Variants in ZNF486 observed in about 807,000 individuals in gnomAD.
ZNF486 encodes the protein zinc finger protein 486.
In ZNF486, 12 loss-of-function variants were observed where a neutral mutation model predicts 12.8. The ratio of observed to expected loss-of-function variants is 0.94; its 90% CI spans 0.60 to 1.52. ZNF486 has a LOEUF of 1.52. Ranked by LOEUF, ZNF486 falls within the 40% of genes most tolerant of loss-of-function variation. ZNF486 has a pLI of 0.00. For synonymous variants in ZNF486, 231 were observed against 184.9 expected (o/e 1.25, Z -2.02); for missense variants, 738 against 545.0 (o/e 1.35, Z -3.53).
chr19:20,170,329 G>T (rs1204216291), intron 1 of ZNF486, among the ~76,000 whole-genome samples: 2 of 152,060 alleles, frequency 1.3e-5, no homozygotes, highest in Non-Finnish European at 2.9e-5. Flanking sequence ...TGTAATCCTA[G>T]CACCTTGGGA....
At position 20,198,318 on chromosome 19, in the gene ZNF486, G is replaced by C; in HGVS notation, c.*216G>C. 1 of 504,282 alleles carries C rather than the reference G, an allele frequency of 2.0e-6. No individual in the cohort carries two copies. Among genetic ancestry groups the C allele is most frequent in the African/African-American group, 1.9e-5 (1 of 51,974 alleles). 31.2% of individuals were successfully genotyped at this position (504,282 alleles called of 1,614,324 possible). A position where few individuals can be genotyped will look rare whatever the true frequency, so the allele number is the denominator to read the frequency against. ...GGGTTTCTCCATGTTGGTCAGGCTG[G>C]TCTCAATCTCCTAACCTCAGGTGGT... On this transcript the variant is annotated 3_prime_UTR_variant, in exon 4 of 4. Coordinates refer to ENST00000335117, the MANE Select transcript of ZNF486 (RefSeq NM_052852.4).
chr19:20,193,584 C>T (rs2089923881), intron 3 of ZNF486, among the ~76,000 whole-genome samples: 1 of 152,030 alleles, frequency 6.6e-6, no homozygotes, highest in African/African-American at 2.4e-5. Context: ...TTGCTTGAAC[C>T]TAGAAGGCGG....
At chr19:20,177,288 A>G (rs7252246) in intron 1 of ZNF486, among the ~76,000 whole-genome samples, 7,145 of 152,306 alleles carry the variant, frequency 0.047, 592 homozygotes, top group African/African-American at 0.16. Context: ...ACACTATTCA[A>G]CCATTTTTGT....
intron 1 of ZNF486, among the ~76,000 whole-genome samples, chr19:20,177,896 T>C (rs1398381630): frequency 6.6e-6 from 1 of 151,046 alleles, no homozygotes; most frequent in Non-Finnish European, 1.5e-5. Flanking sequence ...CTTTCTGTTC[T>C]ATTATTGTGG....
chr19:20,180,402 C>A (rs551418065), intron 1 of ZNF486, among the ~76,000 whole-genome samples: 1 of 152,182 alleles, frequency 6.6e-6, no homozygotes, highest in African/African-American at 2.4e-5. Flanking sequence ...TTCCTACAGT[C>A]CAGAAACTTT....
Position 20,176,588 on chromosome 19 carries a change from C to T in ZNF486, c.31-7768C>T, listed in dbSNP as rs547173832. 1.4e-3 allele frequency: 239 copies of T among 170,426 alleles called. 1 individual carries two copies. Among genetic ancestry groups the T allele is most frequent in the African/African-American group, 5.2e-3 (217 of 41,744 alleles). 10.6% of individuals were successfully genotyped at this position (170,426 alleles called of 1,614,324 possible). A position where few individuals can be genotyped will look rare whatever the true frequency, so the allele number is the denominator to read the frequency against. On this transcript the variant is annotated intron_variant, in intron 1 of 3. Transcript: ENST00000335117. ...CTGCAATCCCGGCACCTCAGGAGGC[C>T]GAGGCTGGCGGATCACTCGCGGTTA...
chr19:20,177,826 T>C (rs558754235), intron 1 of ZNF486, among the ~76,000 whole-genome samples: 1 of 152,240 alleles, frequency 6.6e-6, no homozygotes, highest in Non-Finnish European at 1.5e-5. Context: ...TCCACCCGCC[T>C]CGGCCTCCCA....
chr19:20,191,511 T>A (rs2089902530), intron 3 of ZNF486, among the ~76,000 whole-genome samples: 1 of 150,336 alleles, frequency 6.7e-6, no homozygotes, highest in African/African-American at 2.5e-5. Context: ...GGCTCACACC[T>A]GTAATCCCAG....
At chr19:20,185,847 T>C in intron 2 of ZNF486, 140 bp from the exon 3 acceptor site, 1 of 458,338 alleles carries the variant, frequency 2.2e-6, no homozygotes, top group Non-Finnish European at 3.6e-6. Context: ...ATTTTCTAAA[T>C]ATTTAGAAAT....
intron 1 of ZNF486, among the ~76,000 whole-genome samples, chr19:20,172,801 C>A (rs1568316429): frequency 6.6e-6 from 1 of 151,872 alleles, no homozygotes; most frequent in Non-Finnish European, 1.5e-5. Flanking sequence ...CACCACCACA[C>A]CCTGCTAATT....
At chr19:20,182,052 A>C (rs2089793396) in intron 1 of ZNF486, among the ~76,000 whole-genome samples, 1 of 152,194 alleles carries the variant, frequency 6.6e-6, no homozygotes, top group Non-Finnish European at 1.5e-5. Context: ...TTCCTCTATA[A>C]ACTTTAAAGA....
At position 20,170,112 on chromosome 19, in the gene ZNF486, G is replaced by C. The variant is rs111687138; in HGVS notation, c.30+2752G>C. ...TCACCGTGTTAGCCAGGATGGTCTC[G>C]ATCTCCTGACCTCTGACCTTGTGAT... On this transcript the variant is annotated intron_variant, in intron 1 of 3. Transcript: ENST00000335117. Among the ~76,000 whole-genome samples, 738 of 150,806 alleles carry C rather than the reference G, an allele frequency of 4.9e-3. 2 individuals carry two copies. Among genetic ancestry groups the C allele is most frequent in the Middle Eastern group, 0.014 (4 of 294 alleles).
chr19:20,189,265 T>A (rs1555716876), intron 3 of ZNF486, among the ~76,000 whole-genome samples: 1 of 152,048 alleles, frequency 6.6e-6, no homozygotes, highest in African/African-American at 2.4e-5. Context: ...TATTATGGGG[T>A]TTATTATGTT....
chr19:20,169,271 C>G (rs1160697787), intron 1 of ZNF486, among the ~76,000 whole-genome samples: 2 of 152,216 alleles, frequency 1.3e-5, no homozygotes, highest in Non-Finnish European at 2.9e-5. Flanking sequence ...CGCGCCGTCA[C>G]GCCCGGCTAA....
chr19:20,176,749 G>A lies in ZNF486; in HGVS notation c.31-7607G>A, dbSNP rs527771092. 6.2e-3 allele frequency: 955 copies of A among 154,052 alleles called. 14 individuals carry two copies. The highest frequency in any genetic ancestry group is 0.022 in the African/African-American group (915 of 41,606). The allele number at this position is 154,052 out of a possible 1,614,324, so 9.5% of individuals were successfully genotyped here. A position where few individuals can be genotyped will look rare whatever the true frequency, so the allele number is the denominator to read the frequency against. ...CTGAGGCAGGAGAATCAGGCAGGGA[G>A]GTTGCAGTGAGCCGAGATGGCAGCA... On this transcript the variant is annotated intron_variant, in intron 1 of 3. Transcript: ENST00000335117.
chr19:20,171,232 A>G (rs1483480124), intron 1 of ZNF486, among the ~76,000 whole-genome samples: 1 of 152,194 alleles, frequency 6.6e-6, no homozygotes, highest in African/African-American at 2.4e-5. Flanking sequence ...TCTCCTGTAC[A>G]CAGGCTGTCA....
Position 20,197,194 on chromosome 19 carries a change from G to A in ZNF486, c.484G>A (p.Val162Ile), listed in dbSNP as rs909329532. The A allele has an allele frequency of 2.5e-6, 4 of 1,612,996 alleles. No homozygotes were observed. Among genetic ancestry groups the A allele is most frequent in the East Asian group, 2.2e-5 (1 of 44,872 alleles). The change falls in exon 4 of 4, where the codon GTC becomes ATC. Residue 162 changes from valine to isoleucine, a missense_variant. Physicochemically the swap from Val to Ile is conservative, Grantham distance 29. Coordinates refer to ENST00000335117, the MANE Select transcript of ZNF486 (RefSeq NM_052852.4). ...ATTTCAATGTGGTAAATATGTGAAA[G>A]TCTTTCATCAATTTTCAAATTCAAA... ...KIFQCGKYVK[V>I]FHQFSNSKRH...
intron 1 of ZNF486, among the ~76,000 whole-genome samples, chr19:20,175,679 A>G (rs2089700308): frequency 6.6e-6 from 1 of 152,208 alleles, no homozygotes; most frequent in East Asian, 1.9e-4. Context: ...ATCCCAAGGC[A>G]GAAGAATTTT....
chr19:20,189,206 T>C (rs782222071), intron 3 of ZNF486, among the ~76,000 whole-genome samples: 1 of 152,078 alleles, frequency 6.6e-6, no homozygotes, highest in African/African-American at 2.4e-5. Context: ...CAAGTAGCTG[T>C]GATTACAGGT....
Sources: allele counts gnomAD v4.1 joint callset (sites outside exome capture counted in the v4.1 genomes callset), GRCh38; gene constraint gnomAD v4.1.1; transcripts MANE v1.5; gene names NCBI Gene and HGNC (gene_info 2026-07-23, HGNC 2026-07-21).